Variants in POU2F1 observed in about 807,000 individuals in gnomAD.
POU2F1 encodes the protein POU class 2 homeobox 1, also known as POU domain, class 2, transcription factor 1.
A neutral mutation model predicts 84.9 loss-of-function variants in POU2F1; 16 were observed. The observed-to-expected ratio is 0.19, with a 90% confidence interval of 0.13 to 0.29. The LOEUF is 0.29. Ranked by LOEUF, POU2F1 falls within the 10% of genes least tolerant of loss-of-function variation. The probability of loss-of-function intolerance (pLI) is 1.00; values close to 1 mark genes in which losing one functional copy is unlikely to be tolerated. For missense variants in POU2F1, 738 were observed against 942.6 expected (o/e 0.78, Z 2.84); for synonymous variants, 368 against 368.3 (o/e 1.00, Z 0.01).
At chr1:167,321,231 A>G (rs748723274) in intron 1 of POU2F1, among the ~76,000 whole-genome samples, 13 of 152,264 alleles carry the variant, frequency 8.5e-5, no homozygotes, top group Non-Finnish European at 1.6e-4. Flanking sequence ...CTTGCCTTAC[A>G]TAAGTCTGGC....
Position 167,401,531 on chromosome 1 carries a change from T to G in POU2F1, c.1530T>G (p.Ala510=), listed in dbSNP as rs768910327. Residue 510 remains alanine, a synonymous_variant, in exon 13 of 16, where the codon GCT becomes GCG. Transcript: ENST00000367866. ...GCCCTGTCCTCCCTCTGACCAGTGC[T>G]GCTGTGACGAATCTTTCAGTTACAG... ...TVSPVLPLTS[A]AVTNLSVTGT... is the part of the protein sequence containing the mutation. 1.2e-6 allele frequency: 2 copies of G among 1,609,230 alleles called. No individual in the cohort carries two copies. Among genetic ancestry groups the G allele is most frequent in the Middle Eastern group, 1.7e-4 (1 of 6,002 alleles).
chr1:167,385,944 A>T (rs1207177946), intron 8 of POU2F1, among the ~76,000 whole-genome samples: 1 of 152,192 alleles, frequency 6.6e-6, no homozygotes, highest in East Asian at 1.9e-4. Flanking sequence ...GCAGCAAAAA[A>T]ATTGGAGATA....
At chr1:167,258,424 A>C (rs940167582) in intron 1 of POU2F1, among the ~76,000 whole-genome samples, 1 of 152,200 alleles carries the variant, frequency 6.6e-6, no homozygotes, top group African/African-American at 2.4e-5. Context: ...TATTTCCTTC[A>C]TAGCACTTAC....
intron 1 of POU2F1, among the ~76,000 whole-genome samples, chr1:167,256,012 T>G (rs972902087): frequency 6.6e-6 from 1 of 152,194 alleles, no homozygotes; most frequent in Non-Finnish European, 1.5e-5. Context: ...TGGTGTTTAC[T>G]TTGCTTCAGG....
At chr1:167,228,798 C>T (rs1176198184) in intron 1 of POU2F1, among the ~76,000 whole-genome samples, 1 of 152,164 alleles carries the variant, frequency 6.6e-6, no homozygotes, top group African/African-American at 2.4e-5. Context: ...ACCTTACATC[C>T]TTTCTGGAGC....
intron 1 of POU2F1, among the ~76,000 whole-genome samples, chr1:167,317,459 CAG>C (rs1042906732): frequency 4.3e-4 from 65 of 152,292 alleles, no homozygotes; most frequent in African/African-American, 8.9e-4. Flanking sequence ...GAGTGGGAAT[CAG>C]GGGGCTGACA....
intron 7 of POU2F1, among the ~76,000 whole-genome samples, chr1:167,381,798 T>TG (rs1244706714): frequency 1.3e-5 from 2 of 151,364 alleles, no homozygotes; most frequent in Non-Finnish European, 2.9e-5. Context: ...TTAGTAGAGA[T>TG]GGGGTTTCAC....
At chr1:167,280,333 A>G (rs1334638293) in intron 1 of POU2F1, among the ~76,000 whole-genome samples, 1 of 149,684 alleles carries the variant, frequency 6.7e-6, no homozygotes, top group East Asian at 1.9e-4. Context: ...TTAAAGAGAG[A>G]TTTTATTGCC....
intron 1 of POU2F1, among the ~76,000 whole-genome samples, chr1:167,308,669 G>A (rs1048299442): frequency 1.3e-5 from 2 of 151,976 alleles, no homozygotes; most frequent in African/African-American, 2.4e-5. Flanking sequence ...GGCACTATAG[G>A]TGCATGCCAC....
At chr1:167,287,217 A>T (rs1653592746) in intron 1 of POU2F1, among the ~76,000 whole-genome samples, 1 of 152,204 alleles carries the variant, frequency 6.6e-6, no homozygotes, top group Non-Finnish European at 1.5e-5. Context: ...TTCCCTGAAA[A>T]TTTAAACCAT....
At chr1:167,395,160 T>G (rs1648714879) in intron 9 of POU2F1, among the ~76,000 whole-genome samples, 3 of 152,298 alleles carry the variant, frequency 2.0e-5, no homozygotes, top group African/African-American at 7.2e-5. Flanking sequence ...CCCAGTTTGA[T>G]CAAGAGAGAT....
intron 7 of POU2F1, among the ~76,000 whole-genome samples, chr1:167,378,831 C>T (rs1199170506): frequency 6.6e-6 from 1 of 152,022 alleles, no homozygotes; most frequent in Non-Finnish European, 1.5e-5. Flanking sequence ...TGGCTCACTG[C>T]AACCTCTGCC....
chr1:167,405,274 C>G (rs957359990), intron 13 of POU2F1, among the ~76,000 whole-genome samples: 1 of 151,694 alleles, frequency 6.6e-6, no homozygotes, highest in African/African-American at 2.4e-5. Flanking sequence ...GCCACCTTAA[C>G]AACAAAGGCC....
In POU2F1 at chr1:167,229,485, CTG is replaced by C. The variant is rs942509045; in HGVS notation, c.61+8530_61+8531del. On this transcript the variant is annotated intron_variant, in intron 1 of 15. Transcript: ENST00000367866. The stretch of plus-strand genomic sequence containing the variant: ...AGGGTTGAAATTTATGCTCATGCCA[CTG>C]TGCGTGTGGACTGAGTATTGAATCT... 9.2e-5 allele frequency among the ~76,000 whole-genome samples: 14 copies of C among 152,306 alleles called. 1 individual carries two copies. The highest frequency in any genetic ancestry group is 2.1e-4 in the Non-Finnish European group (14 of 68,026).
chr1:167,295,789 C>T (rs1186468019), intron 1 of POU2F1, among the ~76,000 whole-genome samples: 1 of 152,084 alleles, frequency 6.6e-6, no homozygotes, highest in Non-Finnish European at 1.5e-5. Context: ...GTGAATGGGC[C>T]ATAGAAGGCC....
intron 2 of POU2F1, among the ~76,000 whole-genome samples, chr1:167,348,382 C>T (rs1460651603): frequency 6.6e-6 from 1 of 152,094 alleles, no homozygotes; most frequent in African/African-American, 2.4e-5. Flanking sequence ...TTTGATGGTC[C>T]TTCAAATAGT....
chr1:167,366,855 CAG>C (rs1659711089), intron 3 of POU2F1, among the ~76,000 whole-genome samples: 1 of 152,024 alleles, frequency 6.6e-6, no homozygotes, highest in Admixed American at 6.6e-5. Context: ...GCATTTTTGA[CAG>C]AATTTAGTCA....
chr1:167,259,274 A>G (rs1375225543), intron 1 of POU2F1, among the ~76,000 whole-genome samples: 1 of 152,154 alleles, frequency 6.6e-6, no homozygotes, highest in African/African-American at 2.4e-5. Flanking sequence ...ATTGCATTCT[A>G]TTGGGAGACC....
intron 12 of POU2F1, among the ~76,000 whole-genome samples, chr1:167,399,754 A>G (rs530718631): frequency 6.6e-6 from 1 of 151,790 alleles, no homozygotes; most frequent in South Asian, 2.1e-4. Flanking sequence ...GCTCACTGCA[A>G]CCTCCGCCTC....
Sources: gnomAD v4.1 joint callset for allele counts (sites outside exome capture counted in the v4.1 genomes callset) on GRCh38, gnomAD v4.1.1 for gene constraint, MANE v1.5 for transcripts, NCBI Gene and HGNC (gene_info 2026-07-23, HGNC 2026-07-21) for gene names.